LRRC4C: variants seen among roughly 807,000 people sequenced by gnomAD.
LRRC4C encodes leucine-rich repeat-containing protein 4C.
In LRRC4C, 5 loss-of-function variants were observed where a neutral mutation model predicts 33.6. The observed-to-expected ratio is 0.15, with a 90% confidence interval of 0.08 to 0.31. The LOEUF (loss-of-function observed/expected upper bound fraction) is 0.31. Among genes scored for constraint, LRRC4C ranks in the 10% least tolerant of loss-of-function variants. The probability of loss-of-function intolerance (pLI) is 1.00; values close to 1 mark genes in which losing one functional copy is unlikely to be tolerated. For synonymous variants in LRRC4C, 329 were observed against 302.0 expected (o/e 1.09, Z -0.93); for missense variants, 560 against 796.7 (o/e 0.70, Z 3.58).
At chr11:40,620,505 C>T (rs185743527) in intron 3 of LRRC4C, among the ~76,000 whole-genome samples, 3 of 151,844 alleles carry the variant, frequency 2.0e-5, no homozygotes, top group Admixed American at 1.3e-4. Context: ...TGGTATTATA[C>T]TGGGATAATT....
intron 5 of LRRC4C, among the ~76,000 whole-genome samples, chr11:40,212,471 T>TTA (rs3039970): frequency 0.3 from 43,287 of 144,634 alleles, 7,711 homozygotes; most frequent in Non-Finnish European, 0.41. Flanking sequence ...CAAGCAAAAT[T>TTA]AAAAAAAAAA....
At chr11:40,202,488 G>T (rs1224135579) in intron 5 of LRRC4C, among the ~76,000 whole-genome samples, 1 of 152,016 alleles carries the variant, frequency 6.6e-6, no homozygotes, top group African/African-American at 2.4e-5. Flanking sequence ...CCATATGCAG[G>T]TCACATAAAC....
rs185609057 is a variant in LRRC4C, at chr11:40,182,410, A to G, written c.-95-41557T>C. On this transcript the variant is annotated intron_variant, in intron 5 of 6. Transcript: ENST00000528697. ...TTCTTCAGGGTACACATAAACATAA[A>G]AAAAGAGTTACTGTATAAAATTTCT... Among the ~76,000 whole-genome samples, 314 of 152,306 alleles carry G rather than the reference A, an allele frequency of 2.1e-3. 1 individual carries two copies. The highest frequency in any genetic ancestry group is 7.1e-3 in the African/African-American group (295 of 41,556).
chr11:40,930,552 A>G (rs1286482272), intron 2 of LRRC4C, among the ~76,000 whole-genome samples: 1 of 152,224 alleles, frequency 6.6e-6, no homozygotes, highest in African/African-American at 2.4e-5. Context: ...TTTACAGAGA[A>G]GGCAAAGACT....
At chr11:41,314,360 T>C (rs1440496731) in intron 1 of LRRC4C, among the ~76,000 whole-genome samples, 1 of 152,180 alleles carries the variant, frequency 6.6e-6, no homozygotes, top group Non-Finnish European at 1.5e-5. Flanking sequence ...ATTGATCACT[T>C]AATATGTTCT....
intron 3 of LRRC4C, among the ~76,000 whole-genome samples, chr11:40,470,444 G>C (rs1257958477): frequency 6.6e-6 from 1 of 152,164 alleles, no homozygotes; most frequent in African/African-American, 2.4e-5. Context: ...AGCTCAAAAA[G>C]GCTGAGAATT....
intron 3 of LRRC4C, among the ~76,000 whole-genome samples, chr11:40,518,848 T>C (rs1955682195): frequency 6.6e-6 from 1 of 152,166 alleles, no homozygotes; most frequent in East Asian, 1.9e-4. Flanking sequence ...CCAACCCAAA[T>C]GTCCATCAGT....
At chr11:40,729,640 A>G (rs1947459925) in intron 2 of LRRC4C, among the ~76,000 whole-genome samples, 1 of 152,146 alleles carries the variant, frequency 6.6e-6, no homozygotes, top group South Asian at 2.1e-4. Flanking sequence ...CTTACATGTT[A>G]TAACTTCCTC....
At chr11:40,875,411 A>G (rs1486687891) in intron 2 of LRRC4C, among the ~76,000 whole-genome samples, 1 of 152,194 alleles carries the variant, frequency 6.6e-6, no homozygotes, top group Non-Finnish European at 1.5e-5. Flanking sequence ...CACTGTCAAG[A>G]TCCCGCATTT....
At chr11:40,878,353 C>A (rs1215411985) in intron 2 of LRRC4C, among the ~76,000 whole-genome samples, 1 of 152,140 alleles carries the variant, frequency 6.6e-6, no homozygotes, top group African/African-American at 2.4e-5. Context: ...TTATTATGGT[C>A]TCTTTGCTGT....
chr11:40,992,911 TAAG>T (rs1853685664), intron 1 of LRRC4C, among the ~76,000 whole-genome samples: 1 of 152,140 alleles, frequency 6.6e-6, no homozygotes, highest in Non-Finnish European at 1.5e-5. Flanking sequence ...GAACTTTAGA[TAAG>T]AAGAATATTA....
chr11:40,808,860 T>A (rs1325022560), intron 2 of LRRC4C, among the ~76,000 whole-genome samples: 1 of 152,196 alleles, frequency 6.6e-6, no homozygotes, highest in African/African-American at 2.4e-5. Context: ...CATATCTACA[T>A]GCATCTGAGC....
At chr11:40,343,708 T>A (rs1946982743) in intron 3 of LRRC4C, among the ~76,000 whole-genome samples, 1 of 58,334 alleles carries the variant, frequency 1.7e-5, no homozygotes, top group East Asian at 1.6e-3. Flanking sequence ...GAGTTGTTTT[T>A]TTGAAAAAAA....
intron 1 of LRRC4C, among the ~76,000 whole-genome samples, chr11:41,352,471 C>CTGT (rs1273066420): frequency 6.6e-6 from 1 of 151,970 alleles, no homozygotes; most frequent in African/African-American, 2.4e-5. Flanking sequence ...AATGGAAAGA[C>CTGT]TAACAAAGAC....
intron 3 of LRRC4C, chr11:40,445,511 GT>G: frequency 6.4e-6 from 1 of 155,720 alleles, no homozygotes. Flanking sequence ...ACATTCATAG[GT>G]TTTTTCCAAG....
intron 1 of LRRC4C, among the ~76,000 whole-genome samples, chr11:41,422,852 T>G (rs1474287933): frequency 1.3e-5 from 2 of 152,080 alleles, no homozygotes; most frequent in African/African-American, 4.8e-5. Flanking sequence ...AAATAAATGA[T>G]TTGTCAGCAG....
chr11:40,996,747 C>A (rs1222627043), intron 1 of LRRC4C, among the ~76,000 whole-genome samples: 1 of 152,034 alleles, frequency 6.6e-6, no homozygotes, highest in East Asian at 1.9e-4. Flanking sequence ...AAAGGGGGAA[C>A]AGGAGTGTCA....
intron 3 of LRRC4C, among the ~76,000 whole-genome samples, chr11:40,523,146 T>C (rs1252387096): frequency 6.6e-6 from 1 of 152,194 alleles, no homozygotes; most frequent in Non-Finnish European, 1.5e-5. Context: ...ATAAACTATT[T>C]TGAATTCTTA....
intron 3 of LRRC4C, among the ~76,000 whole-genome samples, chr11:40,412,238 T>C (rs1371327901): frequency 1.3e-5 from 2 of 152,096 alleles, no homozygotes; most frequent in Non-Finnish European, 2.9e-5. Context: ...TGGTACATAA[T>C]AAGCTTTATT....
Sources: allele counts gnomAD v4.1 joint callset (sites outside exome capture counted in the v4.1 genomes callset), GRCh38; gene constraint gnomAD v4.1.1; transcripts MANE v1.5; gene names NCBI Gene and HGNC (gene_info 2026-07-23, HGNC 2026-07-21).